The following SOS2 variants were observed in gnomAD, a reference collection of about 807,000 sequenced individuals.
The protein encoded by SOS2 is son of sevenless homolog 2.
In SOS2, 65 loss-of-function variants were observed where a neutral mutation model predicts 148.2. The ratio of observed to expected loss-of-function variants is 0.44; its 90% CI spans 0.36 to 0.54. SOS2 has a LOEUF of 0.54. SOS2 is among the 20% of genes least tolerant of loss of function. The pLI is 0.00. For missense variants in SOS2, 1,341 were observed against 1,590.2 expected (o/e 0.84, Z 2.67); for synonymous variants, 539 against 537.1 (o/e 1.00, Z -0.05).
intron 1 of SOS2, 147 bp downstream of exon 1, chr14:50,231,050 A>G (rs1887525099): frequency 1.7e-6 from 1 of 580,032 alleles, no homozygotes; most frequent in Non-Finnish European, 2.5e-6. Flanking sequence ...TCAGAATGCA[A>G]CAGGCAATTG....
intron 1 of SOS2, among the ~76,000 whole-genome samples, chr14:50,219,855 G>A (rs539253239): frequency 4.7e-4 from 72 of 152,022 alleles, no homozygotes; most frequent in Non-Finnish European, 9.4e-4. Flanking sequence ...TTTTTGGGGG[G>A]CAGGGGAGAG....
intron 7 of SOS2, among the ~76,000 whole-genome samples, chr14:50,174,956 A>G (rs1388131077): frequency 6.6e-6 from 1 of 152,246 alleles, no homozygotes; most frequent in African/African-American, 2.4e-5. Flanking sequence ...TAACTATTTC[A>G]CTAAACAATA....
intron 1 of SOS2, among the ~76,000 whole-genome samples, chr14:50,228,072 C>T (rs1355976624): frequency 6.8e-5 from 10 of 147,644 alleles, no homozygotes; most frequent in African/African-American, 2.3e-4. Context: ...GATGGAGTCT[C>T]GCTCTGTCGC....
intron 14 of SOS2, among the ~76,000 whole-genome samples, chr14:50,146,581 G>T (rs1303152387): frequency 1.3e-5 from 2 of 151,900 alleles, no homozygotes; most frequent in East Asian, 3.9e-4. Flanking sequence ...AGGAAGCAGA[G>T]GGTTGCAGTG....
chr14:50,135,089 A>AAAAAAGAAAGAAAG (rs1555368583), intron 18 of SOS2, among the ~76,000 whole-genome samples: 1 of 131,534 alleles, frequency 7.6e-6, no homozygotes, highest in East Asian at 2.3e-4. Context: ...AAAAAAAAAA[A>AAAAAAGAAAGAAAG]AAAGAAAGAA....
chr14:50,194,422 G>A (rs1955922), intron 4 of SOS2, among the ~76,000 whole-genome samples: 130,894 of 149,412 alleles, frequency 0.88, 57,414 homozygotes, highest in East Asian at 0.91. Flanking sequence ...AACATATGTT[G>A]GAAATCTCAT....
At chr14:50,173,673 G>A (rs1474661424) in intron 8 of SOS2, among the ~76,000 whole-genome samples, 2 of 152,058 alleles carry the variant, frequency 1.3e-5, no homozygotes, top group African/African-American at 2.4e-5. Context: ...CACCCGCCTC[G>A]GCCTCCCAAA....
chr14:50,196,087 C>T (rs1227710982), intron 4 of SOS2, among the ~76,000 whole-genome samples: 1 of 152,048 alleles, frequency 6.6e-6, no homozygotes, highest in African/African-American at 2.4e-5. Context: ...TGTGTTTTCA[C>T]TTACATGTGG....
chr14:50,139,677 A>C (rs1441457039), intron 17 of SOS2, among the ~76,000 whole-genome samples: 2 of 152,242 alleles, frequency 1.3e-5, no homozygotes, highest in African/African-American at 2.4e-5. Flanking sequence ...TAAAAATAAC[A>C]GTTACCATTT....
In SOS2 at chr14:50,118,749, C is replaced by T. The variant is rs1161479498; in HGVS notation, c.3594G>A (p.Gly1198=). 1.2e-6 allele frequency: 2 copies of T among 1,607,216 alleles called. No individual in the cohort carries two copies. The highest frequency in any genetic ancestry group is 1.7e-6 in the Non-Finnish European group (2 of 1,177,720). The change falls in exon 23 of 23, where the codon GGG becomes GGA. Residue 1198 remains glycine, a synonymous_variant. Coordinates refer to ENST00000216373, the MANE Select transcript of SOS2 (RefSeq NM_006939.4). ...RVPVPTGAFD[G]PLHSPPPPPP... ...GTGGCGGAGGTGGACTATGCAGAGG[C>T]CCATCAAATGCACCAGTAGGAACAG...
At chr14:50,165,796 A>G (rs1885145441) in intron 8 of SOS2, among the ~76,000 whole-genome samples, 2 of 152,150 alleles carry the variant, frequency 1.3e-5, no homozygotes, top group Admixed American at 6.6e-5. Flanking sequence ...TGCTCTGTGC[A>G]CGCTCTTTTA....
intron 14 of SOS2, among the ~76,000 whole-genome samples, chr14:50,147,897 G>A (rs993744482): frequency 2.6e-5 from 4 of 152,080 alleles, no homozygotes; most frequent in Non-Finnish European, 4.4e-5. Flanking sequence ...AAGGCAGGAG[G>A]ACTGCCTGAG....
In SOS2 at chr14:50,159,591, T is replaced by G; in HGVS notation, c.1692A>C (p.Pro564=). Residue 564 remains proline, a synonymous_variant, in exon 10 of 23, where the codon CCA becomes CCC. Transcript: ENST00000216373. ...ATACTTCAGGACTTGGTAATCTCAG[T>G]GGTTGCTCATTTTCTTCTTTCAATA... The part of the protein sequence containing the change: ...SVLLKEENEQ[P]LRLPSPEVYR... 1 of 1,614,024 alleles carries G rather than the reference T, an allele frequency of 6.2e-7. No individual in the cohort carries two copies. Among genetic ancestry groups the G allele is most frequent in the Non-Finnish European group, 8.5e-7 (1 of 1,179,904 alleles).
At chr14:50,218,178 A>G (rs1887091067) in intron 1 of SOS2, among the ~76,000 whole-genome samples, 1 of 146,252 alleles carries the variant, frequency 6.8e-6, no homozygotes, top group Non-Finnish European at 1.5e-5. Context: ...ATAAAAAGAT[A>G]GTATTAAGAG....
chr14:50,205,863 T>A (rs1270870333), intron 1 of SOS2, among the ~76,000 whole-genome samples: 1 of 147,852 alleles, frequency 6.8e-6, no homozygotes, highest in East Asian at 2.0e-4. Context: ...GAGGTTGCAG[T>A]GAGCAGAGAT....
chr14:50,215,420 A>G (rs1887015797), intron 1 of SOS2: 1 of 1,284,200 alleles, frequency 7.8e-7, no homozygotes, highest in Non-Finnish European at 1.0e-6. Context: ...GAAGAGAACC[A>G]TGCTTTACAC....
In SOS2 at chr14:50,188,405, C is replaced by T; in HGVS notation, c.714+92G>A. The T allele has an allele frequency of 3.5e-6, 3 of 868,440 alleles. No individual in the cohort carries two copies. The South Asian group carries it at 4.5e-5, about 13-fold the overall frequency. 53.8% of individuals were successfully genotyped at this position (868,440 alleles called of 1,614,324 possible). A position where few individuals can be genotyped will look rare whatever the true frequency, so the allele number is the denominator to read the frequency against. On this transcript the variant is annotated intron_variant, in intron 5 of 22. Coordinates refer to ENST00000216373, the MANE Select transcript of SOS2 (RefSeq NM_006939.4). ...CCTGGGCAACAGAGCAAGACTCCGT[C>T]TCAAAAAAATAAAAAAAAGTGACTA...
At chr14:50,132,796 T>C (rs1883925589) in intron 19 of SOS2, among the ~76,000 whole-genome samples, 1 of 152,136 alleles carries the variant, frequency 6.6e-6, no homozygotes, top group South Asian at 2.1e-4. Context: ...TTTGAGAAAG[T>C]TAGCCAAAGC....
intron 16 of SOS2, among the ~76,000 whole-genome samples, chr14:50,144,428 A>T (rs896666755): frequency 7.9e-5 from 12 of 151,838 alleles, no homozygotes; most frequent in Non-Finnish European, 1.8e-4. Flanking sequence ...TTTATAATTT[A>T]AAAAATATAT....
Sources: gnomAD v4.1 joint callset for allele counts (sites outside exome capture counted in the v4.1 genomes callset) on GRCh38, gnomAD v4.1.1 for gene constraint, MANE v1.5 for transcripts, NCBI Gene and HGNC (gene_info 2026-07-23, HGNC 2026-07-21) for gene names.